Variants in PDE4B observed in about 807,000 individuals in gnomAD.
The protein encoded by PDE4B is 3',5'-cyclic-AMP phosphodiesterase 4B.
PDE4B carries 20 observed loss-of-function variants against 82.2 expected under a neutral mutation model. The observed-to-expected ratio is 0.24, with a 90% CI of 0.17 to 0.35. PDE4B has a LOEUF of 0.35. PDE4B is among the 10% of genes least tolerant of loss of function. The probability of loss-of-function intolerance (pLI) is 1.00; values close to 1 mark genes in which losing one functional copy is unlikely to be tolerated. For synonymous variants in PDE4B, 320 were observed against 318.9 expected (o/e 1.00, Z -0.04); for missense variants, 655 against 907.2 (o/e 0.72, Z 3.57).
At chr1:66,161,030 C>T (rs544897565) in intron 3 of PDE4B, among the ~76,000 whole-genome samples, 3 of 146,154 alleles carry the variant, frequency 2.1e-5, no homozygotes, top group South Asian at 2.2e-4. Flanking sequence ...CCAGAAACAA[C>T]CAGTCTTCTG....
chr1:66,321,778 C>T (rs1423229315), intron 7 of PDE4B, among the ~76,000 whole-genome samples: 1 of 152,180 alleles, frequency 6.6e-6, no homozygotes, highest in Non-Finnish European at 1.5e-5. Context: ...GTGCTATTCC[C>T]ATCAAGCTAC....
intron 1 of PDE4B, among the ~76,000 whole-genome samples, chr1:65,831,126 A>G (rs1263440768): frequency 6.6e-6 from 1 of 152,026 alleles, no homozygotes; most frequent in Non-Finnish European, 1.5e-5. Context: ...AATTAGAGAA[A>G]GAAGCTTAGA....
chr1:66,271,089 A>G (rs1368492671), intron 7 of PDE4B, among the ~76,000 whole-genome samples: 1 of 152,260 alleles, frequency 6.6e-6, no homozygotes, highest in Non-Finnish European at 1.5e-5. Flanking sequence ...ATTGATTTGC[A>G]GTTATTTCAT....
chr1:66,186,217 A>G (rs1056630429), intron 3 of PDE4B, among the ~76,000 whole-genome samples: 2 of 152,134 alleles, frequency 1.3e-5, no homozygotes, highest in African/African-American at 2.4e-5. Context: ...TACCAGCACC[A>G]TGCTGTTTTG....
At chr1:65,872,511 C>T (rs1364784873) in intron 1 of PDE4B, among the ~76,000 whole-genome samples, 2 of 152,140 alleles carry the variant, frequency 1.3e-5, no homozygotes, top group South Asian at 2.1e-4. Context: ...CAAAGAGTTA[C>T]AGCAGCTTTA....
chr1:65,906,674 A>G (rs1226625668), intron 1 of PDE4B, among the ~76,000 whole-genome samples: 6 of 152,168 alleles, frequency 3.9e-5, no homozygotes, highest in Non-Finnish European at 8.8e-5. Context: ...GTTATTGTTG[A>G]ACATTAGCAT....
At chr1:66,205,762 G>A (rs911367718) in intron 3 of PDE4B, among the ~76,000 whole-genome samples, 1 of 152,152 alleles carries the variant, frequency 6.6e-6, no homozygotes, top group Non-Finnish European at 1.5e-5. Flanking sequence ...TTCTGTCTGT[G>A]CTAGAAAGGA....
chr1:66,052,894 C>T (rs992215608), intron 3 of PDE4B, among the ~76,000 whole-genome samples: 8 of 149,518 alleles, frequency 5.4e-5, no homozygotes, highest in Non-Finnish European at 1.0e-4. Flanking sequence ...ATTTTACATT[C>T]GAGACTACAC....
chr1:66,060,557 TATATC>T lies in PDE4B; in HGVS notation c.281+141726_281+141730del, dbSNP rs1427642150. Among the ~76,000 whole-genome samples the T allele has an allele frequency of 5.3e-5, 8 of 152,354 alleles. No homozygotes were observed. In the South Asian group the frequency reaches 6.2e-4, roughly 12 times the overall value. On this transcript the variant is annotated intron_variant, in intron 3 of 16. Transcript: ENST00000341517. ...TAGTATAAGATGAAAACATTTAAAA[TATATC>T]ATAACACACTTTGTATTGATTACAT...
At chr1:65,985,189 T>C (rs1212397515) in intron 3 of PDE4B, among the ~76,000 whole-genome samples, 4 of 152,204 alleles carry the variant, frequency 2.6e-5, no homozygotes, top group African/African-American at 9.6e-5. Context: ...ATAAGGCTCA[T>C]AGTAGTAAAA....
chr1:65,907,117 C>T (rs944944895), intron 1 of PDE4B, among the ~76,000 whole-genome samples: 10 of 152,178 alleles, frequency 6.6e-5, no homozygotes, highest in Non-Finnish European at 1.3e-4. Context: ...TTTACTTGCT[C>T]TTTATTTTTT....
chr1:66,061,980 G>A (rs1369553928), intron 3 of PDE4B, among the ~76,000 whole-genome samples: 2 of 152,072 alleles, frequency 1.3e-5, no homozygotes, highest in Admixed American at 6.6e-5. Context: ...GGACATAATT[G>A]TGAGGTTCAT....
intron 1 of PDE4B, among the ~76,000 whole-genome samples, chr1:65,900,877 C>G (rs1646963993): frequency 6.6e-6 from 1 of 152,006 alleles, no homozygotes; most frequent in Non-Finnish European, 1.5e-5. Context: ...AGGGTTTTCT[C>G]TGTATATACT....
intron 3 of PDE4B, among the ~76,000 whole-genome samples, chr1:65,935,832 G>A (rs1470966009): frequency 6.6e-6 from 1 of 151,946 alleles, no homozygotes; most frequent in Non-Finnish European, 1.5e-5. Context: ...AGCTACTCAG[G>A]AGGCTGAGGC....
intron 3 of PDE4B, chr1:65,993,228 T>C (rs370993247): frequency 1.8e-5 from 18 of 1,026,392 alleles, no homozygotes; most frequent in South Asian, 1.6e-4. Context: ...AATGGAACAT[T>C]TGAGTTTTGT....
rs757610281 is a variant in PDE4B, at chr1:66,363,554, T to G, written c.1267T>G (p.Ser423Ala). The G allele has an allele frequency of 2.5e-6, 4 of 1,612,372 alleles. No individual in the cohort carries two copies. The highest frequency in any genetic ancestry group is 3.4e-6 in the Non-Finnish European group (4 of 1,179,374). ...DVAQSTHVLL[S>A]TPALDAVFTD... Reference sequence around the variant, plus strand: ...AGCCCAGTCGACCCATGTTCTCCTTTCTACACCAGCATTAGACGTGAGTAA... The same window carrying G: ...AGCCCAGTCGACCCATGTTCTCCTTGCTACACCAGCATTAGACGTGAGTAA... Residue 423 changes from serine (S) to alanine (A), a missense_variant, in exon 12 of 17, where the codon TCT becomes GCT. Transcript: ENST00000341517.
chr1:65,797,105 A>G (rs1645640723), intron 1 of PDE4B, among the ~76,000 whole-genome samples: 1 of 151,548 alleles, frequency 6.6e-6, no homozygotes, highest in South Asian at 2.1e-4. Flanking sequence ...GGTGCCCGCC[A>G]CCACGCCTGG....
chr1:66,360,659 T>G (rs1374041952), intron 9 of PDE4B: 1 of 152,218 alleles, frequency 6.6e-6, no homozygotes, highest in African/African-American at 2.4e-5. Context: ...AGCATCCCTG[T>G]GGCCTGAAAG....
At chr1:66,005,348 A>C (rs1031435375) in intron 3 of PDE4B, among the ~76,000 whole-genome samples, 1 of 152,132 alleles carries the variant, frequency 6.6e-6, no homozygotes, top group Non-Finnish European at 1.5e-5. Flanking sequence ...ATATATAATG[A>C]AGTGAAAGTT....
Sources: allele counts gnomAD v4.1 joint callset (sites outside exome capture counted in the v4.1 genomes callset), GRCh38; gene constraint gnomAD v4.1.1; transcripts MANE v1.5; gene names NCBI Gene and HGNC (gene_info 2026-07-23, HGNC 2026-07-21).